Variants in NWD2 observed in about 807,000 individuals in gnomAD.
NWD2 encodes NACHT and WD repeat domain-containing protein 2.
NWD2 carries 37 observed loss-of-function variants against 132.7 expected under a neutral mutation model. That is an observed-to-expected ratio of 0.28 (90% CI 0.21 to 0.37). The LOEUF (loss-of-function observed/expected upper bound fraction) is 0.37, where lower values mean the gene tolerates loss of function less well. NWD2 is among the 10% of genes least tolerant of loss of function. The probability of loss-of-function intolerance (pLI) is 1.00; values close to 1 mark genes in which losing one functional copy is unlikely to be tolerated. For missense variants in NWD2, 1,592 were observed against 2,122.4 expected, an observed-to-expected ratio of 0.75 and a Z score of 4.91; for synonymous variants, 705 against 803.0, an observed-to-expected ratio of 0.88 and a Z score of 2.06.
intron 1 of NWD2, among the ~76,000 whole-genome samples, chr4:37,264,170 G>C (rs1158053585): frequency 6.6e-6 from 1 of 152,150 alleles, no homozygotes; most frequent in Non-Finnish European, 1.5e-5. Flanking sequence ...GCTTAATTTA[G>C]TGCCTGGCTG....
intron 1 of NWD2, among the ~76,000 whole-genome samples, chr4:37,310,097 C>T (rs1718800035): frequency 6.6e-6 from 1 of 152,166 alleles, no homozygotes; most frequent in African/African-American, 2.4e-5. Context: ...TGAGTAGGGC[C>T]CTATACTTTG....
intron 3 of NWD2, among the ~76,000 whole-genome samples, chr4:37,384,585 T>C (rs1720521365): frequency 6.6e-6 from 1 of 152,228 alleles, no homozygotes; most frequent in Non-Finnish European, 1.5e-5. Flanking sequence ...TCCTTGGGCC[T>C]GGTACTAGTC....
chr4:37,299,285 T>G (rs1400474055), intron 1 of NWD2, among the ~76,000 whole-genome samples: 1 of 152,156 alleles, frequency 6.6e-6, no homozygotes, highest in Non-Finnish European at 1.5e-5. Flanking sequence ...AGACTTCTCA[T>G]TTTCAAGACC....
intron 3 of NWD2, among the ~76,000 whole-genome samples, chr4:37,383,169 G>C (rs565449459): frequency 1.3e-5 from 2 of 152,162 alleles, no homozygotes; most frequent in Non-Finnish European, 2.9e-5. Flanking sequence ...CTTTTAGGAA[G>C]ACCCGAGAAT....
At chr4:37,396,248 T>C (rs1720790042) in intron 3 of NWD2, among the ~76,000 whole-genome samples, 1 of 152,222 alleles carries the variant, frequency 6.6e-6, no homozygotes, top group Non-Finnish European at 1.5e-5. Flanking sequence ...TTCTTAGGGC[T>C]ACCACCCCAG....
At chr4:37,332,292 G>C (rs1719310561) in intron 2 of NWD2, among the ~76,000 whole-genome samples, 1 of 152,122 alleles carries the variant, frequency 6.6e-6, no homozygotes, top group Non-Finnish European at 1.5e-5. Context: ...CCTTCCACTT[G>C]AGTGATGGAA....
intron 1 of NWD2, among the ~76,000 whole-genome samples, chr4:37,296,910 T>C (rs930500296): frequency 9.2e-5 from 14 of 152,118 alleles, no homozygotes; most frequent in African/African-American, 3.4e-4. Context: ...CTCCCAGGAG[T>C]GATGGTTCAG....
intron 1 of NWD2, among the ~76,000 whole-genome samples, chr4:37,275,830 CAAA>C (rs1238993408): frequency 6.6e-6 from 1 of 152,014 alleles, no homozygotes; most frequent in Non-Finnish European, 1.5e-5. Context: ...ACAAACCTGA[CAAA>C]AACAAGCAAT....
rs373982075 is a variant in NWD2, at chr4:37,446,778, T to C, written c.4790T>C (p.Phe1597Ser). The C allele has an allele frequency of 6.4e-7, 1 of 1,551,636 alleles. No individual in the cohort carries two copies. Among genetic ancestry groups the C allele is most frequent in the Non-Finnish European group, 8.7e-7 (1 of 1,147,048 alleles). The stretch of plus-strand genomic sequence containing the variant: ...GAGGAGGATGAAAATGGTGCAATAT[T>C]CAGTTTAATTGTAATGAGACTGGCA... Reference protein sequence around the residue: ...GEEEDENGAIFSLIVMRLADG... With the variant: ...GEEEDENGAISSLIVMRLADG... The change falls in exon 7 of 7, where the codon TTC becomes TCC. Residue 1597 changes from phenylalanine (F) to serine (S), a missense_variant. Phe to Ser is a radical substitution (Grantham distance 155, BLOSUM62 -2). This residue lies in a region of NWD2 where 257 missense variants were observed against 335.0 expected (regional missense o/e 0.77). Coordinates refer to ENST00000309447, the MANE Select transcript of NWD2 (RefSeq NM_001144990.2). The surrounding 1 kb of genome is among the most constrained non-coding windows in gnomAD (Gnocchi z 6.7).
intron 1 of NWD2, among the ~76,000 whole-genome samples, chr4:37,288,037 A>G (rs537541207): frequency 6.6e-6 from 1 of 152,296 alleles, no homozygotes; most frequent in South Asian, 2.1e-4. Flanking sequence ...GGAAACCATC[A>G]TCCTCAGCAA....
chr4:37,247,320 C>G (rs1436658793), intron 1 of NWD2, among the ~76,000 whole-genome samples: 3 of 152,206 alleles, frequency 2.0e-5, no homozygotes, highest in Non-Finnish European at 4.4e-5. Flanking sequence ...ATTTAGAAAG[C>G]AAATGCCTGT....
Position 37,305,965 on chromosome 4 carries a change from A to C in NWD2, c.152-19971A>C, listed in dbSNP as rs114831050. On this transcript the variant is annotated intron_variant, in intron 1 of 6. Transcript: ENST00000309447. The stretch of plus-strand genomic sequence containing the variant: ...TTCAGTAGAATTCATCAGTGAAGCC[A>C]TTTGGTTCCAGGATTTTCTTTGTTG... Among the ~76,000 whole-genome samples the C allele has an allele frequency of 8.3e-3, 1,271 of 152,286 alleles. 50 individuals are homozygous for C. The East Asian group carries it at 0.13, about 15-fold the overall frequency.
intron 1 of NWD2, among the ~76,000 whole-genome samples, chr4:37,248,941 T>C (rs1243869491): frequency 6.6e-6 from 1 of 152,194 alleles, no homozygotes; most frequent in Non-Finnish European, 1.5e-5. Flanking sequence ...GGTTCTGGGG[T>C]AACAACCCAT....
At chr4:37,343,101 G>A (rs969011586) in intron 2 of NWD2, among the ~76,000 whole-genome samples, 2 of 152,172 alleles carry the variant, frequency 1.3e-5, no homozygotes, top group African/African-American at 4.8e-5. Flanking sequence ...TCTACCCAGA[G>A]GATGGCTTAT....
chr4:37,389,085 C>T (rs1161795759), intron 3 of NWD2, among the ~76,000 whole-genome samples: 1 of 152,102 alleles, frequency 6.6e-6, no homozygotes, highest in South Asian at 2.1e-4. Flanking sequence ...CAAGAAACAC[C>T]CCTCTGAGAA....
At chr4:37,304,746 C>T (rs559684801) in intron 1 of NWD2, among the ~76,000 whole-genome samples, 49 of 152,214 alleles carry the variant, frequency 3.2e-4, no homozygotes, top group Non-Finnish European at 4.0e-4. Flanking sequence ...GCAGTTGCAC[C>T]GCTGTGGCTC....
chr4:37,326,378 G>A (rs55807546), intron 2 of NWD2, among the ~76,000 whole-genome samples: 23,568 of 152,048 alleles, frequency 0.16, 2,330 homozygotes, highest in South Asian at 0.32. Context: ...TAAAAATGGG[G>A]ACCAACTTTT....
rs749633626 is a variant in NWD2, at chr4:37,446,263, G to A, written c.4275G>A (p.Arg1425=). The A allele has an allele frequency of 7.1e-5, 110 of 1,551,506 alleles. No homozygotes were observed. The highest frequency in any genetic ancestry group is 9.4e-5 in the Non-Finnish European group (108 of 1,146,988). ...LCEENASRVW[R]LATGHRVCNI... ...AGGAAAATGCCTCCAGGGTTTGGAG[G>A]CTCGCCACAGGCCACAGGGTCTGCA... Residue 1425 remains arginine, a synonymous_variant, in exon 7 of 7, where the codon AGG becomes AGA. Coordinates refer to ENST00000309447, the MANE Select transcript of NWD2 (RefSeq NM_001144990.2). The surrounding 1 kb of genome is among the most constrained non-coding windows in gnomAD (Gnocchi z 6.7).
chr4:37,445,388 T>G lies in NWD2; in HGVS notation c.3400T>G (p.Cys1134Gly). The G allele has an allele frequency of 6.4e-7, 1 of 1,552,180 alleles. No homozygotes were observed. Among genetic ancestry groups the G allele is most frequent in the East Asian group, 2.4e-5 (1 of 40,920 alleles). Residue 1134 changes from cysteine to glycine, a missense_variant, in exon 7 of 7, where the codon TGT (cysteine) becomes GGT (glycine). By Grantham distance (159) the Cys-to-Gly change is radical (BLOSUM62 -3). This residue lies in a region of NWD2 where 1,071 missense variants were observed against 1,398.0 expected (regional missense o/e 0.77). Transcript: ENST00000309447. This position sits in a 1 kb window ranked among gnomAD's most constrained non-coding sequence, Gnocchi z 4.7. ...IFHLGSGEKL[C>G]TVTSEFSGGF... The stretch of plus-strand genomic sequence containing the variant: ...TCATTTAGGGAGTGGAGAAAAGTTA[T>G]GTACAGTGACATCAGAATTTTCAGG...
Sources: allele counts gnomAD v4.1 joint callset (sites outside exome capture counted in the v4.1 genomes callset), GRCh38; gene constraint gnomAD v4.1.1; regional missense constraint gnomAD v4.1.1; non-coding constraint Gnocchi (gnomAD v3.1); transcripts MANE v1.5; gene names NCBI Gene and HGNC (gene_info 2026-07-23, HGNC 2026-07-21).